The following CRPPA variants were observed in gnomAD, a reference collection of about 807,000 sequenced individuals.
The protein encoded by CRPPA is D-ribitol-5-phosphate cytidylyltransferase.
In CRPPA, 43 loss-of-function variants were observed where a neutral mutation model predicts 52.0. The ratio of observed to expected loss-of-function variants is 0.83; its 90% CI spans 0.65 to 1.07. CRPPA has a LOEUF of 1.07. CRPPA is among the 50% of genes least tolerant of loss of function. The pLI, the probability that CRPPA is intolerant of heterozygous loss-of-function variation, is 0.00. For missense variants in CRPPA, 629 were observed against 551.7 expected, an observed-to-expected ratio of 1.14 and a Z score of -1.40; for synonymous variants, 250 against 203.5, an observed-to-expected ratio of 1.23 and a Z score of -1.94.
intron 5 of CRPPA, among the ~76,000 whole-genome samples, chr7:16,297,430 G>C (rs1449828833): frequency 2.0e-5 from 3 of 152,178 alleles, no homozygotes; most frequent in Non-Finnish European, 4.4e-5. Context: ...GGAGCAGGGA[G>C]AGTGGTAAGG....
At chr7:16,162,504 T>C (rs1373499821) in intron 9 of CRPPA, among the ~76,000 whole-genome samples, 1 of 152,222 alleles carries the variant, frequency 6.6e-6, no homozygotes, top group African/African-American at 2.4e-5. Context: ...AGTTTCTTAA[T>C]CCTGAGTTCT....
intron 5 of CRPPA, among the ~76,000 whole-genome samples, chr7:16,291,090 C>T (rs763206166): frequency 1.3e-5 from 2 of 151,724 alleles, no homozygotes; most frequent in Admixed American, 6.6e-5. Flanking sequence ...ATCAACTCAC[C>T]CCAGTTACAG....
intron 1 of CRPPA, among the ~76,000 whole-genome samples, chr7:16,420,784 C>A (rs1218707811): frequency 1.3e-5 from 2 of 152,192 alleles, no homozygotes; most frequent in Non-Finnish European, 2.9e-5. Flanking sequence ...TAGTCCCAAC[C>A]CATGCACTCT....
At chr7:16,149,826 A>C (rs567076066) in intron 9 of CRPPA, among the ~76,000 whole-genome samples, 1 of 152,184 alleles carries the variant, frequency 6.6e-6, no homozygotes, top group South Asian at 2.1e-4. Context: ...TCTCTACTAA[A>C]ATACAAAATA....
chr7:16,219,149 C>T (rs1157432678), intron 8 of CRPPA, among the ~76,000 whole-genome samples: 7 of 151,774 alleles, frequency 4.6e-5, no homozygotes, highest in African/African-American at 1.2e-4. Flanking sequence ...CACTCAAAAC[C>T]GCTCAACTAC....
intron 5 of CRPPA, among the ~76,000 whole-genome samples, chr7:16,287,198 A>T (rs1163229235): frequency 6.6e-6 from 1 of 152,190 alleles, no homozygotes; most frequent in Admixed American, 6.5e-5. Flanking sequence ...ACAGGCATAA[A>T]ATTGTCAACT....
intron 9 of CRPPA, among the ~76,000 whole-genome samples, chr7:16,176,239 G>A (rs1583409386): frequency 6.6e-6 from 1 of 152,042 alleles, no homozygotes; most frequent in Admixed American, 6.6e-5. Flanking sequence ...TATTTAAAGA[G>A]AGAAGACCAA....
intron 9 of CRPPA, among the ~76,000 whole-genome samples, chr7:16,160,005 G>A (rs1478217416): frequency 1.3e-5 from 2 of 151,998 alleles, no homozygotes; most frequent in Non-Finnish European, 2.9e-5. Context: ...CATATCCTTT[G>A]CCCACTTTTT....
chr7:16,277,883 T>A (rs1206726721), intron 6 of CRPPA, among the ~76,000 whole-genome samples: 1 of 152,102 alleles, frequency 6.6e-6, no homozygotes, highest in Non-Finnish European at 1.5e-5. Context: ...AATGCAGGCA[T>A]CAGGCAGGGC....
intron 9 of CRPPA, among the ~76,000 whole-genome samples, chr7:16,109,885 C>G (rs1297953330): frequency 1.3e-5 from 2 of 151,880 alleles, no homozygotes; most frequent in Non-Finnish European, 2.9e-5. Flanking sequence ...TACTAAGTTC[C>G]AAAACAAGAC....
intron 9 of CRPPA, among the ~76,000 whole-genome samples, chr7:16,118,506 G>A (rs1207728193): frequency 6.6e-6 from 1 of 152,180 alleles, no homozygotes; most frequent in African/African-American, 2.4e-5. Flanking sequence ...TTGACTGCTT[G>A]TCTTTAAAAG....
intron 9 of CRPPA, among the ~76,000 whole-genome samples, chr7:16,102,872 T>A (rs1157768828): frequency 6.6e-6 from 1 of 152,166 alleles, no homozygotes; most frequent in Non-Finnish European, 1.5e-5. Context: ...GTAAATTAGT[T>A]CAACCATTGT....
intron 9 of CRPPA, among the ~76,000 whole-genome samples, chr7:16,157,876 T>A (rs1340661936): frequency 2.6e-5 from 4 of 151,818 alleles, no homozygotes; most frequent in Non-Finnish European, 5.9e-5. Flanking sequence ...ATATTTCTTT[T>A]TTTTTTTATT....
intron 9 of CRPPA, among the ~76,000 whole-genome samples, chr7:16,168,616 T>C (rs1781115995): frequency 6.6e-6 from 1 of 151,460 alleles, no homozygotes; most frequent in South Asian, 2.1e-4. Context: ...GACATTGATA[T>C]TCTCATGGTA....
At chr7:16,376,464 A>G (rs545183611) in intron 2 of CRPPA, among the ~76,000 whole-genome samples, 58 of 152,284 alleles carry the variant, frequency 3.8e-4, no homozygotes, top group Admixed American at 6.5e-4. Flanking sequence ...ATTTTCCTTC[A>G]TTATAAGTTC....
At chr7:16,360,624 G>A (rs1332055932) in intron 3 of CRPPA, among the ~76,000 whole-genome samples, 1 of 152,056 alleles carries the variant, frequency 6.6e-6, no homozygotes, top group Admixed American at 6.5e-5. Context: ...CCATTTAATG[G>A]ACAAGAAACA....
intron 1 of CRPPA, among the ~76,000 whole-genome samples, chr7:16,417,774 A>T (rs1014080617): frequency 9.2e-5 from 14 of 152,170 alleles, no homozygotes; most frequent in African/African-American, 3.4e-4. Flanking sequence ...TTCCCTCTGA[A>T]TCTAAAATAG....
chr7:16,129,443 C>T (rs958423303), intron 9 of CRPPA, among the ~76,000 whole-genome samples: 14 of 152,034 alleles, frequency 9.2e-5, no homozygotes, highest in South Asian at 4.1e-4. Context: ...TCTTTGATCT[C>T]CTGCGTTGGT....
intron 1 of CRPPA, among the ~76,000 whole-genome samples, chr7:16,418,084 C>T (rs1482096755): frequency 6.6e-6 from 1 of 152,144 alleles, no homozygotes; most frequent in African/African-American, 2.4e-5. Flanking sequence ...TGGCCCCATA[C>T]CCTAAGAAAA....
Sources: allele counts gnomAD v4.1 joint callset (sites outside exome capture counted in the v4.1 genomes callset), GRCh38; gene constraint gnomAD v4.1.1; transcripts MANE v1.5; gene names NCBI Gene and HGNC (gene_info 2026-07-23, HGNC 2026-07-21).